The following CHST13 variants were observed in gnomAD, a reference collection of about 807,000 sequenced individuals.
The protein encoded by CHST13 is carbohydrate sulfotransferase 13, also known as C4ST-3.
CHST13 carries 1 observed loss-of-function variant against 7.0 expected under a neutral mutation model. The observed-to-expected ratio is 0.14, with a 90% CI of 0.05 to 0.68. The LOEUF is 0.68. Ranked by LOEUF, CHST13 falls within the 30% of genes least tolerant of loss-of-function variation. CHST13 has a pLI of 0.82. For missense variants in CHST13, 572 were observed against 507.9 expected, an observed-to-expected ratio of 1.13 and a Z score of -1.21; for synonymous variants, 257 against 240.9, an observed-to-expected ratio of 1.07 and a Z score of -0.62.
At chr3:126,538,362 G>C (rs966760556) in intron 2 of CHST13, among the ~76,000 whole-genome samples, 12 of 152,322 alleles carry the variant, frequency 7.9e-5, no homozygotes, top group African/African-American at 1.9e-4. Flanking sequence ...TGAGTGGTGG[G>C]GTAAGGGTTT....
rs974976774 is a variant in CHST13 at position 126,524,452 on chromosome 3, G to A, written c.97+23G>A. Reference sequence around the variant, plus strand: ...CGGGTGAGTGCCCGCCGGCCGAGCCGCGCACCCCCAACCAAACCTGGCTCC... The same window carrying A: ...CGGGTGAGTGCCCGCCGGCCGAGCCACGCACCCCCAACCAAACCTGGCTCC... On this transcript the variant is annotated intron_variant, in intron 1 of 2. Coordinates refer to ENST00000319340, the MANE Select transcript of CHST13 (RefSeq NM_152889.3). The A allele has an allele frequency of 4.7e-5, 44 of 939,664 alleles. No homozygotes were observed. The African/African-American group carries it at 6.9e-4, about 15-fold the overall frequency. The allele number at this position is 939,664 out of a possible 1,614,324, so 58.2% of individuals were successfully genotyped here. A position where few individuals can be genotyped will look rare whatever the true frequency, so the allele number is the denominator to read the frequency against.
intron 1 of CHST13, among the ~76,000 whole-genome samples, chr3:126,526,140 C>T (rs943679245): frequency 1.1e-4 from 17 of 152,196 alleles, no homozygotes; most frequent in Admixed American, 2.6e-4. Context: ...TGACCTTGGG[C>T]GAGCAAGAGT....
intron 2 of CHST13, among the ~76,000 whole-genome samples, chr3:126,539,556 A>C: frequency 7.2e-6 from 1 of 139,644 alleles, no homozygotes; most frequent in South Asian, 2.4e-4. Context: ...CCGCACACAC[A>C]CTGCACACAC....
chr3:126,525,420 CCT>C (rs1192390802), intron 1 of CHST13, among the ~76,000 whole-genome samples: 1 of 152,118 alleles, frequency 6.6e-6, no homozygotes, highest in Non-Finnish European at 1.5e-5. Context: ...GCCCACTCCC[CCT>C]GACCCTCACA....
chr3:126,531,421 G>C (rs1936657627), intron 1 of CHST13, among the ~76,000 whole-genome samples: 1 of 152,222 alleles, frequency 6.6e-6, no homozygotes, highest in Admixed American at 6.5e-5. Context: ...TTGGTTGAAG[G>C]CCAAGGATCA....
intron 1 of CHST13, among the ~76,000 whole-genome samples, chr3:126,526,625 A>C (rs1193661266): frequency 1.3e-5 from 2 of 152,158 alleles, no homozygotes; most frequent in Non-Finnish European, 2.9e-5. Flanking sequence ...TACCCCAGGG[A>C]GCTCAGAGAC....
intron 1 of CHST13, among the ~76,000 whole-genome samples, chr3:126,526,247 G>A (rs2107560709): frequency 6.6e-6 from 1 of 152,346 alleles, no homozygotes. Context: ...GGGCCTGCAG[G>A]TGGCACACAG....
intron 1 of CHST13, chr3:126,529,519 G>T: frequency 1.7e-6 from 1 of 594,758 alleles, no homozygotes; most frequent in Non-Finnish European, 2.5e-6. Context: ...TGAGGCCTCG[G>T]GCAAGTTTCT....
At chr3:126,529,281 G>C (rs1936599386) in intron 1 of CHST13, 1 of 1,273,968 alleles carries the variant, frequency 7.8e-7, no homozygotes, top group Admixed American at 2.3e-5. Flanking sequence ...GGTGTCCTGT[G>C]TGCAGCAATC....
chr3:126,539,976 CCA>C (rs1199067402), intron 2 of CHST13, among the ~76,000 whole-genome samples: 1 of 146,802 alleles, frequency 6.8e-6, no homozygotes, highest in African/African-American at 2.5e-5. Flanking sequence ...CACACAAATG[CCA>C]CACACGCATG....
chr3:126,525,184 C>T (rs1384332085), intron 1 of CHST13, among the ~76,000 whole-genome samples: 1 of 152,142 alleles, frequency 6.6e-6, no homozygotes. Context: ...CTCCTGACCT[C>T]AGGGCTGTTT....
Position 126,542,799 on chromosome 3 carries a change from C to A in CHST13, c.*221C>A, listed in dbSNP as rs1249888412. 3 of 507,780 alleles carry A rather than the reference C, an allele frequency of 5.9e-6. No homozygotes were observed. Among genetic ancestry groups the A allele is most frequent in the Admixed American group, 8.8e-5 (2 of 22,624 alleles). 31.5% of individuals were successfully genotyped at this position (507,780 alleles called of 1,614,324 possible). A position where few individuals can be genotyped will look rare whatever the true frequency, so the allele number is the denominator to read the frequency against. On this transcript the variant is annotated 3_prime_UTR_variant, in exon 3 of 3. Transcript: ENST00000319340. ...GCCTGCCTCGGCCTGTCGCCTGAGG[C>A]CTGCTTCCTCCACTTGCTCCAGCTG...
rs1936809088 is a variant in CHST13 at position 126,536,946 on chromosome 3, T to C, written c.180+593T>C. On this transcript the variant is annotated intron_variant, in intron 2 of 2. Transcript: ENST00000319340. The stretch of plus-strand genomic sequence containing the variant: ...ACACCCCACACACACAAGTACTTAT[T>C]CGGACAGCACATATTGAGCACCTAC... Among the ~76,000 whole-genome samples the C allele has an allele frequency of 2.0e-5, 3 of 150,830 alleles. No individual in the cohort carries two copies. In the South Asian group the frequency reaches 6.3e-4, roughly 32 times the overall value.
chr3:126,526,946 C>T (rs1292686791), intron 1 of CHST13: 5 of 152,244 alleles, frequency 3.3e-5, no homozygotes, highest in Admixed American at 1.3e-4. Flanking sequence ...GTTGTCTGCT[C>T]GTGCAGGTAC....
chr3:126,542,667 T>A lies in CHST13; in HGVS notation c.*89T>A. Reference sequence around the variant, plus strand: ...CAGGTGCTGCCGGCCCCAGGACCCCTCTTCAAGAGCCACTGCGTGCACTCA... The same window carrying A: ...CAGGTGCTGCCGGCCCCAGGACCCCACTTCAAGAGCCACTGCGTGCACTCA... On this transcript the variant is annotated 3_prime_UTR_variant, in exon 3 of 3. Coordinates refer to ENST00000319340, the MANE Select transcript of CHST13 (RefSeq NM_152889.3). 4.3e-6 allele frequency: 6 copies of A among 1,380,268 alleles called. No individual in the cohort carries two copies. The highest frequency in any genetic ancestry group is 5.6e-6 in the Non-Finnish European group (6 of 1,066,414). 85.5% of individuals were successfully genotyped at this position (1,380,268 alleles called of 1,614,324 possible).
chr3:126,530,467 C>A lies in CHST13; in HGVS notation c.98-5804C>A, dbSNP rs116054086. On this transcript the variant is annotated intron_variant, in intron 1 of 2. Transcript: ENST00000319340. ...TTCTCAGTCACTGCAACTGCCCCTC[C>A]ACCCCCTGCCCACAGAACACAGGCT... Among the ~76,000 whole-genome samples the A allele has an allele frequency of 5.7e-3, 863 of 152,312 alleles. 9 individuals carry two copies. The highest frequency in any genetic ancestry group is 0.019 in the African/African-American group (784 of 41,580).
In CHST13 at chr3:126,524,372, G is replaced by C. The variant is rs996171882; in HGVS notation, c.40G>C (p.Ala14Pro). 1 of 1,235,786 alleles carries C rather than the reference G, an allele frequency of 8.1e-7. No homozygotes were observed. Among genetic ancestry groups the C allele is most frequent in the African/African-American group, 1.6e-5 (1 of 63,916 alleles). The allele number at this position is 1,235,786 out of a possible 1,614,324, so 76.6% of individuals were successfully genotyped here. The stretch of plus-strand genomic sequence containing the variant: ...CTGCCGGCGGCGCGTGCTGGCGGCC[G>C]CCTGTCTGGGCGCCGCGCTCCTGCT... ...RCCRRRVLAA[A>P]CLGAALLLLC... Residue 14 changes from alanine to proline, a missense_variant, in exon 1 of 3, where the codon GCC (alanine) becomes CCC (proline). By Grantham distance (27) the Ala-to-Pro change is conservative. Coordinates refer to ENST00000319340, the MANE Select transcript of CHST13 (RefSeq NM_152889.3).
intron 1 of CHST13, among the ~76,000 whole-genome samples, chr3:126,530,842 C>T (rs1169984861): frequency 6.6e-6 from 1 of 152,260 alleles, no homozygotes. Flanking sequence ...ACAGGTGGCC[C>T]TGAACCTCCT....
chr3:126,539,790 A>T, intron 2 of CHST13, among the ~76,000 whole-genome samples: 1 of 26,278 alleles, frequency 3.8e-5, no homozygotes, highest in African/African-American at 1.3e-4. Context: ...CACACCACAC[A>T]CCACAGACAC....
Sources: gnomAD v4.1 joint callset for allele counts (sites outside exome capture counted in the v4.1 genomes callset) on GRCh38, gnomAD v4.1.1 for gene constraint, MANE v1.5 for transcripts, NCBI Gene and HGNC (gene_info 2026-07-23, HGNC 2026-07-21) for gene names.